The following STYX variants were observed in gnomAD, a reference collection of about 807,000 sequenced individuals.
STYX encodes serine/threonine/tyrosine interacting protein, also known as serine/threonine/tyrosine-interacting protein.
A neutral mutation model predicts 42.7 loss-of-function variants in STYX; 20 were observed. The observed-to-expected ratio is 0.47, with a 90% CI of 0.33 to 0.68. STYX has a LOEUF of 0.68. STYX is among the 30% of genes least tolerant of loss of function. The probability of loss-of-function intolerance (pLI) is 0.02; values close to 1 mark genes in which losing one functional copy is unlikely to be tolerated. For synonymous variants in STYX, 78 were observed against 81.9 expected, an observed-to-expected ratio of 0.95 and a Z score of 0.26; for missense variants, 226 against 268.5, an observed-to-expected ratio of 0.84 and a Z score of 1.11.
Position 52,771,052 on chromosome 14 carries a change from TGAA to T in STYX, c.624_626del (p.Glu209del). 2 of 1,612,964 alleles carry T rather than the reference TGAA, an allele frequency of 1.2e-6. No individual in the cohort carries two copies. Among genetic ancestry groups the T allele is most frequent in the Non-Finnish European group, 8.5e-7 (1 of 1,179,194 alleles). On this transcript the variant is annotated inframe_deletion, in exon 11 of 11. Transcript: ENST00000354586. ...TTTTAGGCAGTTTGAAGAGAACACA[TGAA>T]GAAGAGGATGATTTTGGAACCATGC...
chr14:52,757,834 T>C, intron 7 of STYX, 40 bp from the exon 8 acceptor site: 1 of 1,612,760 alleles, frequency 6.2e-7, no homozygotes, highest in Non-Finnish European at 8.5e-7. Context: ...TAATGGGCTG[T>C]ATTTTCTGGT....
In STYX at chr14:52,772,355, A is replaced by AGTC. The variant is rs1882544104; in HGVS notation, c.*1249_*1250insGTC. On this transcript the variant is annotated 3_prime_UTR_variant, in exon 11 of 11. Transcript: ENST00000354586. The stretch of plus-strand genomic sequence containing the variant: ...AAATTAGCATTTTAATCCATTCTTG[A>AGTC]CATTCAGTTAGTCCAGATCTGCCCC... The AGTC allele has an allele frequency of 1.3e-5, 2 of 152,344 alleles. No homozygotes were observed. The highest frequency in any genetic ancestry group is 2.9e-5 in the Non-Finnish European group (2 of 67,994). The allele number at this position is 152,344 out of a possible 1,614,324, so 9.4% of individuals were successfully genotyped here. A position where few individuals can be genotyped will look rare whatever the true frequency, so the allele number is the denominator to read the frequency against.
intron 4 of STYX, among the ~76,000 whole-genome samples, chr14:52,753,320 G>A (rs1172187937): frequency 6.6e-6 from 1 of 151,658 alleles, no homozygotes; most frequent in Admixed American, 6.6e-5. Flanking sequence ...CAAAGCACTG[G>A]GATTACAGGT....
rs1882632739 is a variant in STYX, at chr14:52,774,266, TTGTC to T, written c.*3162_*3165del. On this transcript the variant is annotated 3_prime_UTR_variant, in exon 11 of 11. Coordinates refer to ENST00000354586, the MANE Select transcript of STYX (RefSeq NM_145251.4). ...TATTAAGAAAATATAAGGTTTCTAATTGTCTTATTAATATGGTAATTCAAGTGAA... is the reference window on the plus strand; with the variant it reads ...TATTAAGAAAATATAAGGTTTCTAATTTATTAATATGGTAATTCAAGTGAA... 1 of 152,160 alleles carries T rather than the reference TTGTC, an allele frequency of 6.6e-6. No individual in the cohort carries two copies. The highest frequency in any genetic ancestry group is 1.5e-5 in the Non-Finnish European group (1 of 68,022). The allele number at this position is 152,160 out of a possible 1,614,324, so 9.4% of individuals were successfully genotyped here.
chr14:52,763,309 A>G (rs1296172615), intron 9 of STYX, among the ~76,000 whole-genome samples: 2 of 151,934 alleles, frequency 1.3e-5, no homozygotes, highest in African/African-American at 4.8e-5. Flanking sequence ...TTGTACTTTA[A>G]TATCTTTTGG....
At chr14:52,749,902 A>T (rs770637444) in intron 3 of STYX, among the ~76,000 whole-genome samples, 4 of 152,180 alleles carry the variant, frequency 2.6e-5, no homozygotes, top group Non-Finnish European at 4.4e-5. Flanking sequence ...ATTTTGTTTC[A>T]TGCACCAAAT....
At chr14:52,750,059 A>C (rs1881548821) in intron 3 of STYX, among the ~76,000 whole-genome samples, 1 of 152,314 alleles carries the variant, frequency 6.6e-6, no homozygotes, top group African/African-American at 2.4e-5. Flanking sequence ...TTCTGGTCCT[A>C]CCTTGGGACC....
In STYX at chr14:52,730,398, G is replaced by A; in HGVS notation, c.-77G>A. The A allele has an allele frequency of 6.5e-7, 1 of 1,529,572 alleles. No individual in the cohort carries two copies. 94.8% of individuals were successfully genotyped at this position (1,529,572 alleles called of 1,614,324 possible). On this transcript the variant is annotated 5_prime_UTR_variant, in exon 1 of 11. Coordinates refer to ENST00000354586, the MANE Select transcript of STYX (RefSeq NM_145251.4). ...CGCTCCGCCGGCCCTCCTTCCTTCCGCCGCCGCAGCCAGCCCGAGGGTCGG... is the reference window on the plus strand; with the variant it reads ...CGCTCCGCCGGCCCTCCTTCCTTCCACCGCCGCAGCCAGCCCGAGGGTCGG...
At chr14:52,749,144 G>A (rs933302217) in intron 3 of STYX, among the ~76,000 whole-genome samples, 15 of 152,234 alleles carry the variant, frequency 9.9e-5, no homozygotes, top group African/African-American at 2.6e-4. Flanking sequence ...TTGCTGGCTC[G>A]CAGATCCCTC....
At chr14:52,757,494 A>G (rs953155839) in intron 6 of STYX, 139 bp downstream of exon 6, 2 of 875,496 alleles carry the variant, frequency 2.3e-6, no homozygotes, top group Non-Finnish European at 3.5e-6. Flanking sequence ...TATTTTCCCA[A>G]TTACTTGTTT....
intron 3 of STYX, among the ~76,000 whole-genome samples, chr14:52,748,286 G>T (rs1380608797): frequency 6.6e-6 from 1 of 152,092 alleles, no homozygotes; most frequent in Non-Finnish European, 1.5e-5. Flanking sequence ...GAGTACAGTG[G>T]CGCGCTCTCA....
rs1880643554 is a variant in STYX at position 52,730,411 on chromosome 14, G to C, written c.-64G>C. The C allele has an allele frequency of 1.9e-6, 3 of 1,578,798 alleles. No homozygotes were observed. The highest frequency in any genetic ancestry group is 4.6e-5 in the East Asian group (2 of 43,906). ...CTCCTTCCTTCCGCCGCCGCAGCCA[G>C]CCCGAGGGTCGGCCGGCTGTGTAAC... On this transcript the variant is annotated 5_prime_UTR_variant, in exon 1 of 11. Transcript: ENST00000354586.
intron 4 of STYX, among the ~76,000 whole-genome samples, chr14:52,755,683 G>GT (rs372975976): frequency 0.59 from 75,923 of 129,752 alleles, 22,090 homozygotes; most frequent in East Asian, 0.63. Flanking sequence ...CTCTCAGCTA[G>GT]TTTTTTTTTT....
intron 1 of STYX, among the ~76,000 whole-genome samples, chr14:52,736,806 G>T (rs1880971847): frequency 8.3e-6 from 1 of 120,626 alleles, no homozygotes; most frequent in African/African-American, 3.1e-5. Flanking sequence ...AAAAATTGCT[G>T]GTTTAGAAAA....
chr14:52,745,395 A>G (rs1440297729), intron 2 of STYX, among the ~76,000 whole-genome samples: 1 of 152,114 alleles, frequency 6.6e-6, no homozygotes, highest in Non-Finnish European at 1.5e-5. Context: ...TTGGCCTCCC[A>G]AAGTGCTGGG....
In STYX at chr14:52,771,106, A is replaced by C. The variant is rs918540298; in HGVS notation, c.672A>C (p.Ter224CysextTer9). 6.2e-7 allele frequency: 1 copy of C among 1,608,330 alleles called. No homozygotes were observed. Among genetic ancestry groups the C allele is most frequent in the African/African-American group, 1.3e-5 (1 of 74,814 alleles). ...TMQVATAQNG* is the reference protein window; with the variant it reads ...TMQVATAQNGC ...AAGTGGCGACTGCACAGAATGGCTG[A>C]CTTGAAGAGCAACATCATAGAGTGT... Residue 224 changes from the stop codon to cysteine (C), a stop_lost, in exon 11 of 11, where the codon TGA becomes TGC. Transcript: ENST00000354586.
In STYX at chr14:52,759,697, T is replaced by C; in HGVS notation, c.447T>C (p.Tyr149=). 1 of 1,608,484 alleles carries C rather than the reference T, an allele frequency of 6.2e-7. No homozygotes were observed. Among genetic ancestry groups the C allele is most frequent in the Non-Finnish European group, 8.5e-7 (1 of 1,176,562 alleles). The part of the protein sequence containing the change: ...FGMKYRDAFA[Y]VQERRFCINP... ...CTGTTTTCAGAGATGCTTTTGCTTA[T>C]GTTCAAGAAAGAAGATTTTGTATTA... Residue 149 remains tyrosine, a synonymous_variant, in exon 9 of 11, where the codon TAT becomes TAC. Coordinates refer to ENST00000354586, the MANE Select transcript of STYX (RefSeq NM_145251.4).
chr14:52,759,704 G>A lies in STYX; in HGVS notation c.454G>A (p.Glu152Lys). 3.1e-6 allele frequency: 5 copies of A among 1,610,906 alleles called. No individual in the cohort carries two copies. The highest frequency in any genetic ancestry group is 3.4e-6 in the Non-Finnish European group (4 of 1,178,282). ...CAGAGATGCTTTTGCTTATGTTCAA[G>A]AAAGAAGATTTTGTATTAATCCTAA... ...KYRDAFAYVQ[E>K]RRFCINPNAG... The change falls in exon 9 of 11, where the codon GAA becomes AAA. Residue 152 changes from glutamate (E) to lysine (K), a missense_variant. Coordinates refer to ENST00000354586, the MANE Select transcript of STYX (RefSeq NM_145251.4).
At chr14:52,753,155 A>G (rs766445678) in intron 4 of STYX, among the ~76,000 whole-genome samples, 1 of 150,960 alleles carries the variant, frequency 6.6e-6, no homozygotes, top group Non-Finnish European at 1.5e-5. Context: ...GGTTTAAGCA[A>G]TTCTCTGCGT....
Sources: gnomAD v4.1 joint callset for allele counts (sites outside exome capture counted in the v4.1 genomes callset) on GRCh38, gnomAD v4.1.1 for gene constraint, MANE v1.5 for transcripts, NCBI Gene and HGNC (gene_info 2026-07-23, HGNC 2026-07-21) for gene names.